PKD1L1: variants seen among roughly 807,000 people sequenced by gnomAD.
PKD1L1 encodes polycystin 1 like 1, transient receptor potential channel interacting.
Under a neutral mutation model 323.4 loss-of-function variants are expected in PKD1L1, and 236 were observed. The ratio of observed to expected loss-of-function variants is 0.73; its 90% CI spans 0.66 to 0.81. PKD1L1 has a LOEUF of 0.81. PKD1L1 is among the 40% of genes least tolerant of loss of function. The probability of loss-of-function intolerance (pLI) is 0.00; values close to 1 mark genes in which losing one functional copy is unlikely to be tolerated. For missense variants in PKD1L1, 3,320 were observed against 3,508.0 expected, an observed-to-expected ratio of 0.95 and a Z score of 1.35; for synonymous variants, 1,344 against 1,335.0, an observed-to-expected ratio of 1.01 and a Z score of -0.15.
chr7:47,834,019 C>G (rs1785403823), intron 40 of PKD1L1, among the ~76,000 whole-genome samples: 1 of 152,230 alleles, frequency 6.6e-6, no homozygotes, highest in Non-Finnish European at 1.5e-5. Flanking sequence ...CCGGTATTTA[C>G]TGAGTAGACA....
chr7:47,953,954 G>C, the PKD1L1 span, among the ~76,000 whole-genome samples: 40 of 152,166 alleles, frequency 2.6e-4, no homozygotes, highest in African/African-American at 8.9e-4. Flanking sequence ...CCCCCAGAAG[G>C]CTTCACTAGA....
chr7:47,902,059 A>AAAAGAAAAGAAAAG (rs57445026), intron 13 of PKD1L1, among the ~76,000 whole-genome samples: 1,470 of 120,600 alleles, frequency 0.012, 25 homozygotes, highest in African/African-American at 0.039. Context: ...GAAAAGAAAA[A>AAAAGAAAAGAAAAG]AAAGAAAAGA....
chr7:47,827,601 T>C, intron 44 of PKD1L1, 133 bp from the exon 45 acceptor site: 3 of 686,426 alleles, frequency 4.4e-6, no homozygotes, highest in Non-Finnish European at 4.8e-6. Context: ...AACAAAGAGG[T>C]ACTTTGTATG....
At chr7:47,817,050 A>G (rs1178794956) in intron 46 of PKD1L1, among the ~76,000 whole-genome samples, 1 of 152,174 alleles carries the variant, frequency 6.6e-6, no homozygotes, top group South Asian at 2.1e-4. Context: ...AGCCTAGCCA[A>G]AATGATGAGA....
At chr7:47,793,414 T>C (rs566971535) in intron 55 of PKD1L1, among the ~76,000 whole-genome samples, 1 of 152,280 alleles carries the variant, frequency 6.6e-6, no homozygotes, top group East Asian at 1.9e-4. Context: ...ATTCTTGTGA[T>C]AGTGAATAAG....
intron 45 of PKD1L1, among the ~76,000 whole-genome samples, chr7:47,824,018 C>T (rs1785196469): frequency 6.6e-6 from 1 of 152,242 alleles, no homozygotes; most frequent in Non-Finnish European, 1.5e-5. Context: ...CCTCTTCAAA[C>T]TGGCTTCTTG....
At chr7:47,800,536 A>G in intron 54 of PKD1L1, 113 bp downstream of exon 54, 3 of 1,085,038 alleles carry the variant, frequency 2.8e-6, no homozygotes, top group Non-Finnish European at 4.0e-6. Context: ...ATTCATTACC[A>G]TGAGATCTGG....
chr7:47,897,529 C>T (rs760596681), intron 14 of PKD1L1, among the ~76,000 whole-genome samples: 1 of 152,184 alleles, frequency 6.6e-6, no homozygotes, highest in Non-Finnish European at 1.5e-5. Flanking sequence ...TCTTTTAACT[C>T]GCATATTTTC....
At chr7:47,862,947 G>A (rs2128743196) in intron 26 of PKD1L1, among the ~76,000 whole-genome samples, 1 of 152,338 alleles carries the variant, frequency 6.6e-6, no homozygotes, top group South Asian at 2.1e-4. Context: ...TGACTGCTGT[G>A]TGTAGCCTGT....
chr7:47,885,437 T>C (rs553498996), intron 18 of PKD1L1, among the ~76,000 whole-genome samples: 11 of 152,284 alleles, frequency 7.2e-5, no homozygotes, highest in Admixed American at 3.3e-4. Flanking sequence ...GCACAGACAC[T>C]GCACACACGG....
At chr7:47,870,323 T>C (rs1429291043) in intron 24 of PKD1L1, among the ~76,000 whole-genome samples, 1 of 152,064 alleles carries the variant, frequency 6.6e-6, no homozygotes, top group Non-Finnish European at 1.5e-5. Context: ...AGCTGGTTTT[T>C]TGAAAACATC....
At chr7:47,807,520 G>A (rs1784805669) in intron 52 of PKD1L1, among the ~76,000 whole-genome samples, 1 of 152,140 alleles carries the variant, frequency 6.6e-6, no homozygotes, top group African/African-American at 2.4e-5. Flanking sequence ...CCCTCTAGAT[G>A]GGAAAAGGAG....
chr7:47,943,175 T>A lies in PKD1L1; in HGVS notation c.160+221A>T, dbSNP rs1488818994. ...AAAAAAAAAAAAAAATATATATATA[T>A]ATATATATATATATATATATATGTG... On this transcript the variant is annotated intron_variant, in intron 2 of 56. Transcript: ENST00000289672. Among the ~76,000 whole-genome samples, 251 of 87,616 alleles carry A rather than the reference T, an allele frequency of 2.9e-3. 1 individual carries two copies. Among genetic ancestry groups the A allele is most frequent in the African/African-American group, 0.016 (232 of 14,218 alleles). 57.5% of individuals were successfully genotyped at this position (87,616 alleles called of 152,430 possible).
Position 47,882,095 on chromosome 7 carries a change from T to G in PKD1L1, c.3266-10A>C, listed in dbSNP as rs750786684. On this transcript the variant is annotated splice_polypyrimidine_tract_variant and intron_variant, in intron 19 of 56. Coordinates refer to ENST00000289672, the MANE Select transcript of PKD1L1 (RefSeq NM_138295.5). ...AAGCTGGTGTCCTTAGCTAGGAAGA[T>G]AAACCAAGCCAATAGATGTTAAAGA... is the stretch of plus-strand genomic sequence containing the variant. 1 of 1,612,260 alleles carries G rather than the reference T, an allele frequency of 6.2e-7. No homozygotes were observed. The highest frequency in any genetic ancestry group is 8.5e-7 in the Non-Finnish European group (1 of 1,179,552).
At chr7:47,862,515 A>G (rs111229772) in intron 26 of PKD1L1, among the ~76,000 whole-genome samples, 14 of 152,338 alleles carry the variant, frequency 9.2e-5, no homozygotes, top group African/African-American at 3.4e-4. Context: ...GATCCCTGGT[A>G]TCATGGAGTC....
At chr7:47,943,161 AAAATATAT>A (rs749763642) in intron 2 of PKD1L1, among the ~76,000 whole-genome samples, 68 of 85,000 alleles carry the variant, frequency 8.0e-4, no homozygotes, top group Non-Finnish European at 1.2e-3. Context: ...AAAAAAAAAA[AAAATATAT>A]ATATATATAT....
At position 47,893,892 on chromosome 7, in the gene PKD1L1, A is replaced by G. The variant is rs772692714; in HGVS notation, c.2439T>C (p.Pro813=). The G allele has an allele frequency of 1.2e-6, 2 of 1,613,458 alleles. No individual in the cohort carries two copies. The highest frequency in any genetic ancestry group is 2.2e-5 in the South Asian group (2 of 90,974). ...RGTQSFDPDD[P]GATLRYHWEC... is the part of the protein sequence containing the mutation. ...GTGGTGCTCACCTGAGAGTCGCCCC[A>G]GGGTCGTCAGGGTCGAAGGACTGGG... is the stretch of plus-strand genomic sequence containing the variant. The change falls in exon 15 of 57, where the codon CCT becomes CCC. Residue 813 remains proline (P), a synonymous_variant. Coordinates refer to ENST00000289672, the MANE Select transcript of PKD1L1 (RefSeq NM_138295.5).
chr7:47,812,521 C>T (rs554306350), intron 49 of PKD1L1, among the ~76,000 whole-genome samples: 1 of 152,290 alleles, frequency 6.6e-6, no homozygotes, highest in Non-Finnish European at 1.5e-5. Flanking sequence ...CTCAAAGGCT[C>T]ACATTATTGT....
rs991562783 is a variant in PKD1L1 at position 47,884,800 on chromosome 7, A to C, written c.3206-143T>G. ...GCTCTGTGGATTACAAAATACCCTC[A>C]GTGGTGGTGTCTTCCCTCACTCATG... On this transcript the variant is annotated intron_variant, in intron 18 of 56. Coordinates refer to ENST00000289672, the MANE Select transcript of PKD1L1 (RefSeq NM_138295.5). The C allele has an allele frequency of 6.9e-6, 5 of 729,068 alleles. No homozygotes were observed. In the Middle Eastern group the frequency reaches 9.3e-4, roughly 136 times the overall value. The allele number at this position is 729,068 out of a possible 1,614,324, so 45.2% of individuals were successfully genotyped here.
Sources: gnomAD v4.1 joint callset for allele counts (sites outside exome capture counted in the v4.1 genomes callset) on GRCh38, gnomAD v4.1.1 for gene constraint, MANE v1.5 for transcripts, NCBI Gene and HGNC (gene_info 2026-07-23, HGNC 2026-07-21) for gene names.